The following SEMA3F variants were observed in gnomAD, a reference collection of about 807,000 sequenced individuals.
SEMA3F encodes semaphorin 3F.
SEMA3F carries 30 observed loss-of-function variants against 98.5 expected under a neutral mutation model. The observed-to-expected ratio is 0.30, with a 90% CI of 0.23 to 0.41. SEMA3F has a LOEUF of 0.41. Ranked by LOEUF, SEMA3F falls within the 10% of genes least tolerant of loss-of-function variation. The pLI is 1.00. For synonymous variants in SEMA3F, 380 were observed against 444.8 expected (o/e 0.85, Z 1.83); for missense variants, 866 against 1,119.3 (o/e 0.77, Z 3.23).
chr3:50,173,210 A>G (rs1575391677), intron 2 of SEMA3F: 1 of 154,650 alleles, frequency 6.5e-6, no homozygotes, highest in South Asian at 2.0e-4. Context: ...ACAGTGGCTC[A>G]TGCCTGTAAT....
intron 7 of SEMA3F, among the ~76,000 whole-genome samples, chr3:50,177,984 A>G (rs1020794896): frequency 2.6e-5 from 4 of 152,240 alleles, no homozygotes; most frequent in African/African-American, 9.6e-5. Context: ...GCTCACACCT[A>G]TAATTCCAGC....
chr3:50,171,553 G>T, intron 2 of SEMA3F, among the ~76,000 whole-genome samples: 1 of 152,116 alleles, frequency 6.6e-6, no homozygotes, highest in Middle Eastern at 3.2e-3. Flanking sequence ...ATGGGTAAGG[G>T]CATGACCGAG....
At chr3:50,160,563 G>A (rs1212059981) in intron 2 of SEMA3F, among the ~76,000 whole-genome samples, 2 of 152,216 alleles carry the variant, frequency 1.3e-5, no homozygotes, top group Non-Finnish European at 2.9e-5. Context: ...GGCCCAGGGT[G>A]AGGGGCAGTG....
In SEMA3F at chr3:50,186,058, T is replaced by A. The variant is rs1356942126; in HGVS notation, c.1745+12T>A. ...GCATCCTCCAAGAGGTGTGGACCCC[T>A]AGACACCTAGAATTTTAGCAACCAG... is the stretch of plus-strand genomic sequence containing the variant. On this transcript the variant is annotated intron_variant, in intron 16 of 18. Transcript: ENST00000002829. 1 of 1,593,840 alleles carries A rather than the reference T, an allele frequency of 6.3e-7. No homozygotes were observed. Among genetic ancestry groups the A allele is most frequent in the Non-Finnish European group, 8.6e-7 (1 of 1,167,128 alleles).
At chr3:50,163,118 G>C (rs1237699412) in intron 2 of SEMA3F, among the ~76,000 whole-genome samples, 1 of 152,188 alleles carries the variant, frequency 6.6e-6, no homozygotes, top group Admixed American at 6.5e-5. Context: ...GATGGTGGTG[G>C]TGCTGGAGGC....
In SEMA3F at chr3:50,185,923, C is replaced by T; in HGVS notation, c.1622C>T (p.Thr541Ile). Reference protein sequence around the residue: ...QLYVASAVGVTHLSLHRCQAY... With the variant: ...QLYVASAVGVIHLSLHRCQAY... ...TACGTGGCGTCAGCCGTGGGTGTCACACACCTGAGCCTGCACCGCTGCCAG... is the reference window on the plus strand; with the variant it reads ...TACGTGGCGTCAGCCGTGGGTGTCATACACCTGAGCCTGCACCGCTGCCAG... Residue 541 changes from threonine to isoleucine, a missense_variant, in exon 16 of 19, where the codon ACA becomes ATA. Around this residue, in one of 3 missense-constraint regions of SEMA3F, gnomAD observed 374 missense variants for 582.8 expected, o/e 0.64. Coordinates refer to ENST00000002829, the MANE Select transcript of SEMA3F (RefSeq NM_004186.5). 1.2e-6 allele frequency: 2 copies of T among 1,613,570 alleles called. No individual in the cohort carries two copies. The highest frequency in any genetic ancestry group is 2.2e-5 in the East Asian group (1 of 44,876).
In SEMA3F at chr3:50,185,502, C is replaced by G; in HGVS notation, c.1516C>G (p.Leu506Val). Residue 506 changes from leucine to valine, a missense_variant, in exon 14 of 19, where the codon CTC becomes GTC. This residue lies in a region of SEMA3F where 374 missense variants were observed against 582.8 expected (regional missense o/e 0.64). Transcript: ENST00000002829. The part of the protein sequence containing the change: ...LPKDDQELEE[L>V]MLEEVEVFKD... Reference sequence around the variant, plus strand: ...CAAGGATGACCAGGAGTTGGAGGAGCTCATGCTGGAGGAGGTGGAGGTCTT... The same window carrying G: ...CAAGGATGACCAGGAGTTGGAGGAGGTCATGCTGGAGGAGGTGGAGGTCTT... 1 of 1,613,928 alleles carries G rather than the reference C, an allele frequency of 6.2e-7. No individual in the cohort carries two copies. The highest frequency in any genetic ancestry group is 8.5e-7 in the Non-Finnish European group (1 of 1,179,880).
chr3:50,175,620 T>C lies in SEMA3F; in HGVS notation c.549+432T>C, dbSNP rs75257117. Reference sequence around the variant, plus strand: ...CCCATGAGTCATCTGTGGACACAGGTGTCCTGCACACTCATGTGCTTGGGG... The same window carrying C: ...CCCATGAGTCATCTGTGGACACAGGCGTCCTGCACACTCATGTGCTTGGGG... On this transcript the variant is annotated intron_variant, in intron 6 of 18. Transcript: ENST00000002829. 7.5e-3 allele frequency among the ~76,000 whole-genome samples: 1,137 copies of C among 152,040 alleles called. 18 individuals are homozygous for C. Among genetic ancestry groups the C allele is most frequent in the African/African-American group, 0.025 (1,057 of 41,496 alleles).
At chr3:50,165,090 C>T (rs1698352997) in intron 2 of SEMA3F, among the ~76,000 whole-genome samples, 1 of 152,120 alleles carries the variant, frequency 6.6e-6, no homozygotes, top group South Asian at 2.1e-4. Context: ...GACCCTGAGT[C>T]CTGTGGGGTG....
chr3:50,156,276 G>C lies in SEMA3F; in HGVS notation c.-49+712G>C, dbSNP rs527666268. Reference sequence around the variant, plus strand: ...GGGCAGGGGACAGCGGGGGCTTGGCGGGGTTGCCCCCAGCAGATGGGACAG... The same window carrying C: ...GGGCAGGGGACAGCGGGGGCTTGGCCGGGTTGCCCCCAGCAGATGGGACAG... On this transcript the variant is annotated intron_variant, in intron 1 of 18. Transcript: ENST00000002829. This position sits in a 1 kb window ranked among gnomAD's most constrained non-coding sequence, Gnocchi z 4.5. Among the ~76,000 whole-genome samples, 4 of 152,246 alleles carry C rather than the reference G, an allele frequency of 2.6e-5. No homozygotes were observed. Among genetic ancestry groups the C allele is most frequent in the Admixed American group, 2.6e-4 (4 of 15,294 alleles).
rs1464523165 is a variant in SEMA3F, at chr3:50,175,140, C to T, written c.501C>T (p.Ser167=). The T allele has an allele frequency of 6.2e-7, 1 of 1,610,350 alleles. No homozygotes were observed. The highest frequency in any genetic ancestry group is 8.5e-7 in the Non-Finnish European group (1 of 1,178,908). ...TQTQAVRGRG[S]RATDGALRPM... ...CTCAGGCGGTCAGAGGCCGCGGCAGCAGAGCCACGGATGGTGCCCTCCGCC... is the reference window on the plus strand; with the variant it reads ...CTCAGGCGGTCAGAGGCCGCGGCAGTAGAGCCACGGATGGTGCCCTCCGCC... The change falls in exon 6 of 19, where the codon AGC becomes AGT. Residue 167 remains serine, a synonymous_variant. Coordinates refer to ENST00000002829, the MANE Select transcript of SEMA3F (RefSeq NM_004186.5).
rs775821212 is a variant in SEMA3F, at chr3:50,187,860, C to A, written c.2103C>A (p.Ala701=). The stretch of plus-strand genomic sequence containing the variant: ...AGCTGCATGTACTGGGCCGGGACGC[C>A]GTCCATGCTGCCCTCTTCCCACCAC... ...RVQLHVLGRD[A]VHAALFPPLS... is the part of the protein sequence containing the mutation. The change falls in exon 19 of 19, where the codon GCC becomes GCA. Residue 701 remains alanine, a synonymous_variant. Transcript: ENST00000002829. 3.1e-6 allele frequency: 5 copies of A among 1,613,264 alleles called. No homozygotes were observed. The highest frequency in any genetic ancestry group is 4.2e-6 in the Non-Finnish European group (5 of 1,179,922).
intron 2 of SEMA3F, among the ~76,000 whole-genome samples, chr3:50,167,881 C>G (rs1462329292): frequency 6.6e-6 from 1 of 152,218 alleles, no homozygotes; most frequent in Non-Finnish European, 1.5e-5. Flanking sequence ...GAGGAGCCAA[C>G]ATTTCCCACC....
chr3:50,174,173 CCCCAGTGAG>C, intron 4 of SEMA3F, 49 bp from the exon 5 acceptor site: 1 of 1,613,894 alleles, frequency 6.2e-7, no homozygotes, highest in Non-Finnish European at 8.5e-7. Context: ...AAGGTACTGC[CCCCAGTGAG>C]GGGGCAGGCC....
intron 2 of SEMA3F, among the ~76,000 whole-genome samples, chr3:50,163,059 C>A (rs1468835272): frequency 1.3e-5 from 2 of 152,230 alleles, no homozygotes; most frequent in Admixed American, 6.5e-5. Flanking sequence ...ATGGAGCCTG[C>A]ATCCGCCTGA....
chr3:50,176,881 G>A lies in SEMA3F; in HGVS notation c.643+20G>A, dbSNP rs756114898. The A allele has an allele frequency of 5.0e-6, 8 of 1,586,688 alleles. No individual in the cohort carries two copies. Among genetic ancestry groups the A allele is most frequent in the Admixed American group, 3.3e-5 (2 of 59,958 alleles). ...TCATCAGTGAGTGCCCCCCAACCCCGCTCTACAGTCTCAATGTGTGGCCTC... is the reference window on the plus strand; with the variant it reads ...TCATCAGTGAGTGCCCCCCAACCCCACTCTACAGTCTCAATGTGTGGCCTC... On this transcript the variant is annotated intron_variant, in intron 7 of 18. Coordinates refer to ENST00000002829, the MANE Select transcript of SEMA3F (RefSeq NM_004186.5).
intron 18 of SEMA3F, 101 bp from the exon 19 acceptor site, chr3:50,187,604 G>A (rs549781207): frequency 2.2e-6 from 2 of 894,868 alleles, no homozygotes; most frequent in Non-Finnish European, 1.6e-6. Context: ...CCACATGGGT[G>A]CCTCTACACG....
At chr3:50,174,651 C>A (rs546450507) in intron 5 of SEMA3F, among the ~76,000 whole-genome samples, 18 of 152,376 alleles carry the variant, frequency 1.2e-4, no homozygotes, top group Non-Finnish European at 2.4e-4. Flanking sequence ...CTTGGCTATG[C>A]CTGTGGACCG....
intron 1 of SEMA3F, among the ~76,000 whole-genome samples, chr3:50,157,894 C>A (rs1698054761): frequency 6.6e-6 from 1 of 152,080 alleles, no homozygotes; most frequent in African/African-American, 2.4e-5. Context: ...TGACAGGAGC[C>A]CCCGTTACAT....
Sources: allele counts gnomAD v4.1 joint callset (sites outside exome capture counted in the v4.1 genomes callset), GRCh38; gene constraint gnomAD v4.1.1; regional missense constraint gnomAD v4.1.1; non-coding constraint Gnocchi (gnomAD v3.1); transcripts MANE v1.5; gene names NCBI Gene and HGNC (gene_info 2026-07-23, HGNC 2026-07-21).